Variants in MACROH2A2 observed in about 807,000 individuals in gnomAD.
MACROH2A2 encodes macroH2A.2 histone, also known as core histone macro-H2A.2.
In MACROH2A2, 6 loss-of-function variants were observed where a neutral mutation model predicts 37.6. The observed-to-expected ratio is 0.16, with a 90% CI of 0.09 to 0.32. MACROH2A2 has a LOEUF of 0.32. Among genes scored for constraint, MACROH2A2 ranks in the 10% least tolerant of loss-of-function variants. MACROH2A2 has a pLI of 1.00. For missense variants in MACROH2A2, 290 were observed against 485.9 expected (o/e 0.60, Z 3.79); for synonymous variants, 192 against 202.7 (o/e 0.95, Z 0.45).
intron 1 of MACROH2A2, among the ~76,000 whole-genome samples, chr10:70,064,215 A>G (rs939551086): frequency 1.3e-5 from 2 of 152,072 alleles, no homozygotes; most frequent in African/African-American, 4.8e-5. Context: ...CTAAAAATAC[A>G]AAAATTAGCC....
chr10:70,074,382 A>G (rs971427431), intron 1 of MACROH2A2, among the ~76,000 whole-genome samples: 1 of 152,096 alleles, frequency 6.6e-6, no homozygotes, highest in South Asian at 2.1e-4. Context: ...ATGGCTTTTC[A>G]TTTGCTATGT....
chr10:70,107,652 A>G lies in MACROH2A2; in HGVS notation c.779-1381A>G, dbSNP rs1021738766. Among the ~76,000 whole-genome samples, 5 of 152,240 alleles carry G rather than the reference A, an allele frequency of 3.3e-5. No homozygotes were observed. Among genetic ancestry groups the G allele is most frequent in the African/African-American group, 1.2e-4 (5 of 41,458 alleles). Reference sequence around the variant, plus strand: ...GGGAACCACATTTAGGGGAGTAAACAGTAAAACAAAGGAGTATGACAGAAA... The same window carrying G: ...GGGAACCACATTTAGGGGAGTAAACGGTAAAACAAAGGAGTATGACAGAAA... On this transcript the variant is annotated intron_variant, in intron 7 of 8. Coordinates refer to ENST00000373255, the MANE Select transcript of MACROH2A2 (RefSeq NM_018649.3). This position sits in a 1 kb window ranked among gnomAD's most constrained non-coding sequence, Gnocchi z 4.4.
chr10:70,090,970 G>A (rs183044783), intron 3 of MACROH2A2, among the ~76,000 whole-genome samples: 39 of 152,248 alleles, frequency 2.6e-4, no homozygotes, highest in Non-Finnish European at 2.9e-4. Context: ...GGAGTAGTAC[G>A]TGTCTGTTCT....
At chr10:70,101,555 A>G (rs1279953544) in intron 7 of MACROH2A2, among the ~76,000 whole-genome samples, 7 of 152,206 alleles carry the variant, frequency 4.6e-5, no homozygotes, top group Non-Finnish European at 1.0e-4. Context: ...GACATGTTCC[A>G]AGACTCTTTT....
chr10:70,082,955 A>G (rs930582424), intron 2 of MACROH2A2, among the ~76,000 whole-genome samples: 1 of 151,978 alleles, frequency 6.6e-6, no homozygotes, highest in African/African-American at 2.4e-5. Flanking sequence ...AAATGGTTAA[A>G]TGGTAGATGT....
At chr10:70,063,724 C>T (rs1386606066) in intron 1 of MACROH2A2, among the ~76,000 whole-genome samples, 3 of 152,180 alleles carry the variant, frequency 2.0e-5, no homozygotes, top group African/African-American at 7.2e-5. Context: ...CCCTCCTCTC[C>T]AGAGCCACAG....
chr10:70,053,516 G>A lies in MACROH2A2; in HGVS notation c.-60+516G>A, dbSNP rs1054783935. Reference sequence around the variant, plus strand: ...GGCAGGGCGCCGGCGGCTCCAGGCTGACAATGGAGGGGGCGCGGAGCAGCC... The same window carrying A: ...GGCAGGGCGCCGGCGGCTCCAGGCTAACAATGGAGGGGGCGCGGAGCAGCC... On this transcript the variant is annotated intron_variant, in intron 1 of 8. Coordinates refer to ENST00000373255, the MANE Select transcript of MACROH2A2 (RefSeq NM_018649.3). The surrounding 1 kb of genome is among the most constrained non-coding windows in gnomAD (Gnocchi z 4.8). Among the ~76,000 whole-genome samples, 2 of 151,838 alleles carry A rather than the reference G, an allele frequency of 1.3e-5. No homozygotes were observed. The highest frequency in any genetic ancestry group is 4.8e-5 in the African/African-American group (2 of 41,364).
At chr10:70,097,287 TGAA>T (rs2072281686) in intron 6 of MACROH2A2, among the ~76,000 whole-genome samples, 1 of 152,180 alleles carries the variant, frequency 6.6e-6, no homozygotes, top group South Asian at 2.1e-4. Context: ...TAAACCTCCC[TGAA>T]CCTCCGTTTC....
intron 1 of MACROH2A2, among the ~76,000 whole-genome samples, chr10:70,057,037 A>G (rs1429050374): frequency 1.3e-5 from 2 of 152,176 alleles, no homozygotes; most frequent in Non-Finnish European, 2.9e-5. Flanking sequence ...GTTGGAGGGA[A>G]AGATAAGTGT....
At chr10:70,091,631 G>A (rs528277719) in intron 3 of MACROH2A2, 126 bp from the exon 4 acceptor site, 364 of 645,392 alleles carry the variant, frequency 5.6e-4, no homozygotes, top group Non-Finnish European at 7.8e-4. Flanking sequence ...CCAAGATCGC[G>A]CCACTGCACT....
rs1272161379 is a variant in MACROH2A2 at position 70,069,235 on chromosome 10, C to T, written c.-59-6365C>T. ...CTGAAACAACAGAGTCTGAATACGC[C>T]CTCTTCCCCAGCACACACAAGACCA... On this transcript the variant is annotated intron_variant, in intron 1 of 8. Coordinates refer to ENST00000373255, the MANE Select transcript of MACROH2A2 (RefSeq NM_018649.3). 5.9e-5 allele frequency among the ~76,000 whole-genome samples: 9 copies of T among 152,040 alleles called. No homozygotes were observed. In the South Asian group the frequency reaches 1.9e-3, roughly 32 times the overall value.
chr10:70,079,551 T>TTG (rs1554822086), intron 2 of MACROH2A2, among the ~76,000 whole-genome samples: 10 of 114,172 alleles, frequency 8.8e-5, no homozygotes, highest in African/African-American at 3.0e-4. Context: ...CGTTGAGGGT[T>TTG]CGCGCGCGCG....
intron 2 of MACROH2A2, among the ~76,000 whole-genome samples, chr10:70,088,293 G>A (rs551766831): frequency 6.6e-5 from 10 of 151,870 alleles, no homozygotes; most frequent in East Asian, 1.9e-4. Context: ...ACGCACACAT[G>A]CACACTTTCC....
intron 1 of MACROH2A2, among the ~76,000 whole-genome samples, chr10:70,070,699 C>T (rs1397581924): frequency 6.6e-6 from 1 of 152,010 alleles, no homozygotes; most frequent in African/African-American, 2.4e-5. Context: ...CATCATGTTG[C>T]CCAGGCTCAA....
At chr10:70,061,929 C>T (rs1354688998) in intron 1 of MACROH2A2, among the ~76,000 whole-genome samples, 1 of 151,990 alleles carries the variant, frequency 6.6e-6, no homozygotes, top group Non-Finnish European at 1.5e-5. Context: ...TTAAAGGTGG[C>T]CTTGAAAGAA....
chr10:70,076,604 A>T (rs1259995942), intron 2 of MACROH2A2, among the ~76,000 whole-genome samples: 1 of 152,154 alleles, frequency 6.6e-6, no homozygotes, highest in Non-Finnish European at 1.5e-5. Flanking sequence ...ATGTACAATA[A>T]GTATGATTTA....
intron 7 of MACROH2A2, among the ~76,000 whole-genome samples, chr10:70,102,465 T>C (rs2072312304): frequency 6.6e-6 from 1 of 152,130 alleles, no homozygotes; most frequent in African/African-American, 2.4e-5. Flanking sequence ...ATGCGTGTAA[T>C]CCCAGCACTT....
At position 70,090,128 on chromosome 10, in the gene MACROH2A2, A is replaced by G. The variant is rs772434004; in HGVS notation, c.241A>G (p.Ile81Val). 9 of 1,613,856 alleles carry G rather than the reference A, an allele frequency of 5.6e-6. No homozygotes were observed. The highest frequency in any genetic ancestry group is 7.6e-6 in the Non-Finnish European group (9 of 1,179,710). Residue 81 changes from isoleucine to valine, a missense_variant, in exon 3 of 9, where the codon ATC (isoleucine) becomes GTC (valine). This residue lies in a region of MACROH2A2 where 83 missense variants were observed against 159.9 expected (regional missense o/e 0.52). Coordinates refer to ENST00000373255, the MANE Select transcript of MACROH2A2 (RefSeq NM_018649.3). Reference protein sequence around the residue: ...NKKARIAPRHILLAVANDEEL... With the variant: ...NKKARIAPRHVLLAVANDEEL... ...GAAGGCCCGGATAGCCCCGAGACAC[A>G]TCTTGCTGGCAGTTGCCAATGACGA...
chr10:70,071,041 G>A (rs1305302754), intron 1 of MACROH2A2, among the ~76,000 whole-genome samples: 3 of 151,438 alleles, frequency 2.0e-5, no homozygotes, highest in Non-Finnish European at 2.9e-5. Context: ...GCGTGTGCAC[G>A]TGCATGCGTG....
Sources: gnomAD v4.1 joint callset for allele counts (sites outside exome capture counted in the v4.1 genomes callset) on GRCh38, gnomAD v4.1.1 for gene constraint, gnomAD v4.1.1 regional missense constraint, Gnocchi (gnomAD v3.1) non-coding constraint, MANE v1.5 for transcripts, NCBI Gene and HGNC (gene_info 2026-07-23, HGNC 2026-07-21) for gene names.